Variants in NTN4 observed in about 807,000 individuals in gnomAD.
The protein encoded by NTN4 is netrin-4.
In NTN4, 32 loss-of-function variants were observed where a neutral mutation model predicts 73.6. The observed-to-expected ratio is 0.44, with a 90% CI of 0.33 to 0.58. The LOEUF is 0.58. Among genes scored for constraint, NTN4 ranks in the 20% least tolerant of loss-of-function variants. The pLI, the probability that NTN4 is intolerant of heterozygous loss-of-function variation, is 0.04. For missense variants in NTN4, 654 were observed against 798.3 expected (o/e 0.82, Z 2.18); for synonymous variants, 258 against 287.5 (o/e 0.90, Z 1.04).
rs1460848065 is a variant in NTN4 at position 95,770,988 on chromosome 12, A to ATTTTT, written c.585+15950_585+15951insAAAAA. On this transcript the variant is annotated intron_variant, in intron 2 of 9. Coordinates refer to ENST00000343702, the MANE Select transcript of NTN4 (RefSeq NM_021229.4). The stretch of plus-strand genomic sequence containing the variant: ...GCAAGATGAACCATCCAGGAAAAGA[A>ATTTTT]TTTGTTTTTTTTTTTTTTTGAGACA... Among the ~76,000 whole-genome samples the ATTTTT allele has an allele frequency of 1.6e-3, 91 of 58,074 alleles. 13 individuals are homozygous for ATTTTT. Among genetic ancestry groups the ATTTTT allele is most frequent in the African/African-American group, 3.8e-3 (86 of 22,872 alleles). 38.1% of individuals were successfully genotyped at this position (58,074 alleles called of 152,430 possible). A position where few individuals can be genotyped will look rare whatever the true frequency, so the allele number is the denominator to read the frequency against.
intron 3 of NTN4, among the ~76,000 whole-genome samples, chr12:95,735,998 G>C (rs918757717): frequency 6.6e-6 from 1 of 151,080 alleles, no homozygotes; most frequent in African/African-American, 2.4e-5. Context: ...GAGTGCAGTG[G>C]CACGATCTCG....
intron 2 of NTN4, among the ~76,000 whole-genome samples, chr12:95,767,958 T>C (rs1023148277): frequency 3.3e-5 from 5 of 152,210 alleles, no homozygotes; most frequent in Non-Finnish European, 5.9e-5. Flanking sequence ...GGCTAACTTA[T>C]GAGACGCTTA....
chr12:95,734,865 C>T (rs565142252), intron 3 of NTN4, among the ~76,000 whole-genome samples: 5 of 152,106 alleles, frequency 3.3e-5, no homozygotes, highest in Non-Finnish European at 7.4e-5. Context: ...CATGGAGAAA[C>T]CCCATCTCTA....
At chr12:95,768,445 C>T (rs183628751) in intron 2 of NTN4, among the ~76,000 whole-genome samples, 1 of 151,998 alleles carries the variant, frequency 6.6e-6, no homozygotes, top group Admixed American at 6.6e-5. Flanking sequence ...AGAGCCCTCC[C>T]CCACCAAGCC....
intron 3 of NTN4, among the ~76,000 whole-genome samples, chr12:95,715,419 A>T (rs2078598176): frequency 6.6e-6 from 1 of 152,174 alleles, no homozygotes; most frequent in African/African-American, 2.4e-5. Context: ...TTCTTTATAG[A>T]AATGCAACTA....
rs975899754 is a variant in NTN4 at position 95,669,982 on chromosome 12, T to C, written c.1579+96A>G. ...GACTAATGCTTTGTGCTTTCATTTA[T>C]ACACAATGTCATCAGTCAGGCCTCC... On this transcript the variant is annotated intron_variant, in intron 8 of 9. Coordinates refer to ENST00000343702, the MANE Select transcript of NTN4 (RefSeq NM_021229.4). 36 of 654,230 alleles carry C rather than the reference T, an allele frequency of 5.5e-5. 1 individual carries two copies. The highest frequency in any genetic ancestry group is 9.7e-5 in the Non-Finnish European group (36 of 372,236). The allele number at this position is 654,230 out of a possible 1,614,324, so 40.5% of individuals were successfully genotyped here. A position where few individuals can be genotyped will look rare whatever the true frequency, so the allele number is the denominator to read the frequency against.
rs369795926 is a variant in NTN4 at position 95,701,630 on chromosome 12, T to C, written c.1180+8811A>G. 4.0e-4 allele frequency among the ~76,000 whole-genome samples: 61 copies of C among 152,326 alleles called. No individual in the cohort carries two copies. In the South Asian group the frequency reaches 0.012, roughly 29 times the overall value. ...TTTAATTGCTCACAAGAAATAAATCTATTGGCTAGAAGATTTGGTTCAGGG... is the reference window on the plus strand; with the variant it reads ...TTTAATTGCTCACAAGAAATAAATCCATTGGCTAGAAGATTTGGTTCAGGG... On this transcript the variant is annotated intron_variant, in intron 5 of 9. Coordinates refer to ENST00000343702, the MANE Select transcript of NTN4 (RefSeq NM_021229.4).
chr12:95,738,039 G>A lies in NTN4; in HGVS notation c.691C>T (p.Arg231Ter), dbSNP rs1195160815. The change falls in exon 3 of 10, where the codon CGA (arginine) becomes TGA (stop). Residue 231 changes from arginine to a stop codon, truncating the protein, a stop_gained. Coordinates refer to ENST00000343702, the MANE Select transcript of NTN4 (RefSeq NM_021229.4). LOFTEE classifies it high-confidence loss of function. Reference protein sequence around the residue: ...ITNLRVQLLKRQSCPCQRNDL... With the variant: ...ITNLRVQLLK ...TTTCTCTGACAGGGACAAGACTGTC[G>A]TTTCAGCAGCTGCACGCGAAGGTTG... is the stretch of plus-strand genomic sequence containing the variant. 3 of 1,614,156 alleles carry A rather than the reference G, an allele frequency of 1.9e-6. No homozygotes were observed. Among genetic ancestry groups the A allele is most frequent in the African/African-American group, 1.3e-5 (1 of 75,044 alleles).
intron 2 of NTN4, among the ~76,000 whole-genome samples, chr12:95,773,656 G>T (rs577684565): frequency 1.6e-4 from 25 of 151,524 alleles, no homozygotes; most frequent in African/African-American, 5.8e-4. Flanking sequence ...TTATTCGAAC[G>T]TCTCAATGAG....
At chr12:95,668,619 C>T (rs1185936154) in intron 8 of NTN4, among the ~76,000 whole-genome samples, 1 of 152,202 alleles carries the variant, frequency 6.6e-6, no homozygotes, top group Non-Finnish European at 1.5e-5. Context: ...AACCTAAATA[C>T]TTGGTTTCAT....
At chr12:95,736,928 A>G (rs1460518256) in intron 3 of NTN4, among the ~76,000 whole-genome samples, 1 of 152,200 alleles carries the variant, frequency 6.6e-6, no homozygotes, top group African/African-American at 2.4e-5. Flanking sequence ...AAGAATAGGG[A>G]TGTCTATCCT....
intron 5 of NTN4, among the ~76,000 whole-genome samples, chr12:95,709,982 T>C (rs2078552209): frequency 6.6e-6 from 1 of 152,204 alleles, no homozygotes; most frequent in South Asian, 2.1e-4. Context: ...TCAATCAAAA[T>C]GGATTTATAA....
chr12:95,761,232 CAATT>C (rs1437222929), intron 2 of NTN4, among the ~76,000 whole-genome samples: 1 of 151,898 alleles, frequency 6.6e-6, no homozygotes, highest in African/African-American at 2.4e-5. Context: ...ATGCTTCAGT[CAATT>C]AACTCTAATA....
chr12:95,696,996 C>G (rs2078447117), intron 5 of NTN4, among the ~76,000 whole-genome samples: 1 of 151,752 alleles, frequency 6.6e-6, no homozygotes, highest in South Asian at 2.1e-4. Context: ...ACAGCAAGAG[C>G]CCCTCTCTAC....
chr12:95,668,543 C>T (rs2078200785), intron 8 of NTN4, among the ~76,000 whole-genome samples: 3 of 152,188 alleles, frequency 2.0e-5, no homozygotes, highest in Admixed American at 2.0e-4. Context: ...AGATAAGATT[C>T]ATGAGGTTTT....
Position 95,790,462 on chromosome 12 carries a change from G to A in NTN4, c.-153C>T. 2 of 596,158 alleles carry A rather than the reference G, an allele frequency of 3.4e-6. No homozygotes were observed. Among genetic ancestry groups the A allele is most frequent in the Non-Finnish European group, 5.3e-6 (2 of 375,224 alleles). The allele number at this position is 596,158 out of a possible 1,614,324, so 36.9% of individuals were successfully genotyped here. On this transcript the variant is annotated 5_prime_UTR_variant, in exon 1 of 10. Coordinates refer to ENST00000343702, the MANE Select transcript of NTN4 (RefSeq NM_021229.4). The surrounding 1 kb of genome is among the most constrained non-coding windows in gnomAD (Gnocchi z 6.5). Reference sequence around the variant, plus strand: ...CGCCGGGCTCGGTCAGCGGTCGCCGGCAGCTGGGAGCCAGGGGCCGGGACC... The same window carrying A: ...CGCCGGGCTCGGTCAGCGGTCGCCGACAGCTGGGAGCCAGGGGCCGGGACC...
At chr12:95,688,010 A>G (rs1053460203) in intron 5 of NTN4, among the ~76,000 whole-genome samples, 1 of 152,164 alleles carries the variant, frequency 6.6e-6, no homozygotes, top group African/African-American at 2.4e-5. Context: ...GTCAGGTCGG[A>G]TGGTAATAGG....
intron 5 of NTN4, among the ~76,000 whole-genome samples, chr12:95,695,125 CAA>C (rs199994570): frequency 1.5e-5 from 2 of 136,494 alleles, no homozygotes; most frequent in African/African-American, 5.4e-5. Flanking sequence ...GAGACTGTCT[CAA>C]AAAAAAAAAA....
At chr12:95,692,003 G>T (rs2078405074) in intron 5 of NTN4, among the ~76,000 whole-genome samples, 1 of 152,118 alleles carries the variant, frequency 6.6e-6, no homozygotes, top group Non-Finnish European at 1.5e-5. Flanking sequence ...TTTCACAAGA[G>T]TTCATCAATA....
Sources: allele counts gnomAD v4.1 joint callset (sites outside exome capture counted in the v4.1 genomes callset), GRCh38; gene constraint gnomAD v4.1.1; non-coding constraint Gnocchi (gnomAD v3.1); transcripts MANE v1.5; gene names NCBI Gene and HGNC (gene_info 2026-07-23, HGNC 2026-07-21).